Variants in ZNF678 observed in about 807,000 individuals in gnomAD.
ZNF678 encodes zinc finger protein 678.
Under a neutral mutation model 3.0 loss-of-function variants are expected in ZNF678, and 5 were observed. The observed-to-expected ratio is 1.69, with a 90% CI of 0.88 to 3.56. The LOEUF (loss-of-function observed/expected upper bound fraction) is 3.56, where lower values mean the gene tolerates loss of function less well. ZNF678 is among the 30% of genes most tolerant of loss of function. The probability of loss-of-function intolerance (pLI) is 0.00; values close to 1 mark genes in which losing one functional copy is unlikely to be tolerated. For missense variants in ZNF678, 593 were observed against 605.0 expected (o/e 0.98, Z 0.21); for synonymous variants, 218 against 199.6 (o/e 1.09, Z -0.78).
Position 227,641,097 on chromosome 1 carries a change from G to A in ZNF678, c.-163-5447G>A, listed in dbSNP as rs762965199. ...TTACCAGTAGGCGAGATCAGTGACC[G>A]ATGTGCATGCAGAGAGAGGCGACTG... On this transcript the variant is annotated intron_variant, in intron 1 of 3. Transcript: ENST00000343776. 3.9e-5 allele frequency among the ~76,000 whole-genome samples: 6 copies of A among 152,216 alleles called. No individual in the cohort carries two copies. In the East Asian group the frequency reaches 5.8e-4, roughly 15 times the overall value.
At chr1:227,623,702 A>G (rs1392789584) in intron 1 of ZNF678, among the ~76,000 whole-genome samples, 1 of 152,208 alleles carries the variant, frequency 6.6e-6, no homozygotes, top group Non-Finnish European at 1.5e-5. Flanking sequence ...TATATGCTGC[A>G]TAACTTTTGT....
downstream of ZNF678, among the ~76,000 whole-genome samples, chr1:227,663,669 A>G (rs1659453969): frequency 6.6e-6 from 1 of 152,224 alleles, no homozygotes; most frequent in Admixed American, 6.5e-5. Context: ...TAAAAGCAAC[A>G]GAAAAATGTC....
intron 1 of ZNF678, among the ~76,000 whole-genome samples, chr1:227,566,811 T>G (rs1052962972): frequency 6.8e-6 from 1 of 147,266 alleles, no homozygotes; most frequent in Admixed American, 6.6e-5. Context: ...AAAACTCATT[T>G]ACCTTTTTCT....
At chr1:227,628,709 G>A (rs181415272) in intron 1 of ZNF678, among the ~76,000 whole-genome samples, 76 of 152,352 alleles carry the variant, frequency 5.0e-4, no homozygotes, top group African/African-American at 1.1e-3. Flanking sequence ...AGAGCACTTG[G>A]TTGGCTTGAT....
rs1486247626 is a variant in ZNF678 at position 227,656,490 on chromosome 1, T to G, written c.*662T>G. 1.3e-5 allele frequency: 2 copies of G among 151,842 alleles called. No homozygotes were observed. The highest frequency in any genetic ancestry group is 2.9e-5 in the Non-Finnish European group (2 of 67,808). 9.4% of individuals were successfully genotyped at this position (151,842 alleles called of 1,614,324 possible). On this transcript the variant is annotated 3_prime_UTR_variant, in exon 4 of 4. Coordinates refer to ENST00000343776, the MANE Select transcript of ZNF678 (RefSeq NM_001367909.1). The stretch of plus-strand genomic sequence containing the variant: ...ACTTGATTTTTATTATATTTATTGT[T>G]TATGTTAAAGTATGTGGTCAGTTGT...
At chr1:227,580,096 C>G (rs1995019) in intron 1 of ZNF678, among the ~76,000 whole-genome samples, 32,847 of 152,034 alleles carry the variant, frequency 0.22, 4,043 homozygotes, top group African/African-American at 0.33. Flanking sequence ...CTTGACAGTT[C>G]AACTTGTTCT....
intron 1 of ZNF678, among the ~76,000 whole-genome samples, chr1:227,617,616 G>T (rs919366997): frequency 2.0e-5 from 3 of 152,166 alleles, no homozygotes; most frequent in Admixed American, 2.0e-4. Flanking sequence ...ACCTCATTAT[G>T]CACTTTGCTT....
In ZNF678 at chr1:227,656,553, A is replaced by G. The variant is rs1659255118; in HGVS notation, c.*725A>G. On this transcript the variant is annotated 3_prime_UTR_variant, in exon 4 of 4. Transcript: ENST00000343776. ...GCTATGAGAAGTTCTTCTATATTAGATGACCATCATTTATATGCTTTTTCA... is the reference window on the plus strand; with the variant it reads ...GCTATGAGAAGTTCTTCTATATTAGGTGACCATCATTTATATGCTTTTTCA... The G allele has an allele frequency of 6.6e-6, 1 of 151,842 alleles. No individual in the cohort carries two copies. The highest frequency in any genetic ancestry group is 2.4e-5 in the African/African-American group (1 of 41,404). The allele number at this position is 151,842 out of a possible 1,614,324, so 9.4% of individuals were successfully genotyped here. A position where few individuals can be genotyped will look rare whatever the true frequency, so the allele number is the denominator to read the frequency against.
intron 5 of ZNF678, among the ~76,000 whole-genome samples, chr1:227,672,945 G>A (rs1659625035): frequency 6.6e-6 from 1 of 152,146 alleles, no homozygotes; most frequent in Admixed American, 6.5e-5. Context: ...ATCAGCCTAG[G>A]TGACACCTTG....
chr1:227,565,736 G>C (rs1321224430), intron 1 of ZNF678, among the ~76,000 whole-genome samples: 2 of 152,170 alleles, frequency 1.3e-5, no homozygotes, highest in Non-Finnish European at 2.9e-5. Context: ...TTTACAGCTG[G>C]TTGTATCCTC....
intron 1 of ZNF678, among the ~76,000 whole-genome samples, chr1:227,619,736 C>G (rs950418056): frequency 6.6e-6 from 1 of 152,078 alleles, no homozygotes; most frequent in Non-Finnish European, 1.5e-5. Context: ...TGGTCTCGAT[C>G]TCTTGACCTC....
downstream of ZNF678, chr1:227,677,541 C>T (rs1228372488): frequency 6.6e-6 from 1 of 152,208 alleles, no homozygotes; most frequent in African/African-American, 2.4e-5. Context: ...GGCTACTATA[C>T]AAAGAGCAGA....
intron 5 of ZNF678, among the ~76,000 whole-genome samples, chr1:227,668,994 G>T (rs1322968292): frequency 6.6e-6 from 1 of 151,596 alleles, no homozygotes; most frequent in Admixed American, 6.6e-5. Flanking sequence ...CCTCAACATC[G>T]ACTTTGGCAA....
At chr1:227,635,361 C>T (rs1658648204) in intron 1 of ZNF678, among the ~76,000 whole-genome samples, 1 of 152,212 alleles carries the variant, frequency 6.6e-6, no homozygotes, top group Admixed American at 6.5e-5. Flanking sequence ...AGCCTACCTT[C>T]AGCAGGACCT....
At chr1:227,574,609 G>A (rs917195342) in intron 1 of ZNF678, among the ~76,000 whole-genome samples, 1 of 152,068 alleles carries the variant, frequency 6.6e-6, no homozygotes, top group African/African-American at 2.4e-5. Flanking sequence ...CATTCTGTAG[G>A]TTGTCTGTTC....
At chr1:227,614,303 A>G (rs149164583) in intron 1 of ZNF678, among the ~76,000 whole-genome samples, 114 of 152,308 alleles carry the variant, frequency 7.5e-4, no homozygotes, top group African/African-American at 2.6e-3. Context: ...AATTCTGACA[A>G]TTAATAGCAG....
chr1:227,655,698 A>G lies in ZNF678; in HGVS notation c.1448A>G (p.His483Arg). 3 of 1,612,794 alleles carry G rather than the reference A, an allele frequency of 1.9e-6. No homozygotes were observed. Among genetic ancestry groups the G allele is most frequent in the South Asian group, 2.2e-5 (2 of 91,018 alleles). ...FSSLTRHKRI[H>R]TGEKRYKCKE... The stretch of plus-strand genomic sequence containing the variant: ...AGCCTTACTCGTCATAAAAGAATTC[A>G]TACTGGAGAGAAACGCTACAAATGT... Residue 483 changes from histidine to arginine, a missense_variant, in exon 4 of 4, where the codon CAT becomes CGT. His to Arg is a conservative substitution (Grantham distance 29). Transcript: ENST00000343776.
At chr1:227,585,487 G>T (rs1374886393) in intron 1 of ZNF678, among the ~76,000 whole-genome samples, 4 of 152,138 alleles carry the variant, frequency 2.6e-5, no homozygotes, top group Non-Finnish European at 5.9e-5. Context: ...AATGCTTAAA[G>T]ATCTTGGCCG....
chr1:227,650,301 A>C (rs1009785912), intron 2 of ZNF678, among the ~76,000 whole-genome samples: 2 of 152,124 alleles, frequency 1.3e-5, no homozygotes, highest in Non-Finnish European at 2.9e-5. Context: ...GCCCTTGTTA[A>C]AGATTCATTG....
Sources: gnomAD v4.1 joint callset for allele counts (sites outside exome capture counted in the v4.1 genomes callset) on GRCh38, gnomAD v4.1.1 for gene constraint, MANE v1.5 for transcripts, NCBI Gene and HGNC (gene_info 2026-07-23, HGNC 2026-07-21) for gene names.